OR10R2: variants seen among roughly 807,000 people sequenced by gnomAD.
OR10R2 encodes olfactory receptor family 10 subfamily R member 2.
In OR10R2, 1 loss-of-function variant was observed where a neutral mutation model predicts 2.4. The ratio of observed to expected loss-of-function variants is 0.41; its 90% CI spans 0.15 to 1.95. OR10R2 has a LOEUF of 1.95. Ranked by LOEUF, OR10R2 falls within the 30% of genes most tolerant of loss-of-function variation. The pLI, the probability that OR10R2 is intolerant of heterozygous loss-of-function variation, is 0.30. For synonymous variants in OR10R2, 166 were observed against 144.8 expected (o/e 1.15, Z -1.05); for missense variants, 419 against 373.0 (o/e 1.12, Z -1.01).
chr1:158,480,479 T>C (rs759512421), exon 2 of OR10R2: 1 of 1,613,420 alleles, frequency 6.2e-7, no homozygotes, highest in Non-Finnish European at 8.5e-7. Context: ...TTCTGTGACA[T>C]CTCAGCAGTC....
At chr1:158,476,924 G>T (rs1214754189) in intron 1 of OR10R2, among the ~76,000 whole-genome samples, 7 of 152,026 alleles carry the variant, frequency 4.6e-5, no homozygotes, top group African/African-American at 1.7e-4. Context: ...TTAAAATGGG[G>T]TTTATTGTTT....
At chr1:158,473,917 TTCCCTCCC>T (rs894201878) in intron 1 of OR10R2, among the ~76,000 whole-genome samples, 4 of 119,674 alleles carry the variant, frequency 3.3e-5, no homozygotes, top group African/African-American at 1.3e-4. Context: ...GCTTCCTTCC[TTCCCTCCC>T]TCCCTCTCCC....
chr1:158,477,901 A>C (rs1656299280), intron 1 of OR10R2, among the ~76,000 whole-genome samples: 2 of 152,212 alleles, frequency 1.3e-5, no homozygotes, highest in African/African-American at 4.8e-5. Context: ...GCCAACTTCA[A>C]ACTATACTAT....
At chr1:158,474,337 T>C (rs1162366982) in intron 1 of OR10R2, 4 of 151,958 alleles carry the variant, frequency 2.6e-5, no homozygotes, top group African/African-American at 9.7e-5. Context: ...GGAGTGGAGG[T>C]AAAAATGAAA....
chr1:158,474,271 G>C (rs1209200644), intron 1 of OR10R2, among the ~76,000 whole-genome samples: 4 of 151,908 alleles, frequency 2.6e-5, no homozygotes, highest in African/African-American at 9.7e-5. Flanking sequence ...CTGTATCTCT[G>C]CTGCCCAAAT....
rs553513204 is a variant in OR10R2 at position 158,479,996 on chromosome 1, T to A, written c.86T>A (p.Leu29His). 4.3e-5 allele frequency: 70 copies of A among 1,613,902 alleles called. No homozygotes were observed. The South Asian group carries it at 6.8e-4, about 16-fold the overall frequency. Residue 29 changes from leucine to histidine, a missense_variant, in exon 2 of 2, where the codon CTT becomes CAT. Physicochemically the swap from Leu to His is moderately conservative, Grantham distance 99. Transcript: ENST00000641067. ...TTCCTGTTGCTGGGTTTTTCCAGCC[T>A]TGGTGAAATTCAGCTGGCCCTCTTT...
intron 1 of OR10R2, among the ~76,000 whole-genome samples, chr1:158,475,732 T>C (rs1196619117): frequency 1.3e-5 from 2 of 151,710 alleles, no homozygotes; most frequent in Non-Finnish European, 2.9e-5. Flanking sequence ...TTACACCAAT[T>C]GTTGCTTAAT....
At chr1:158,479,712 G>A (rs1656343140) in intron 1 of OR10R2, among the ~76,000 whole-genome samples, 1 of 152,054 alleles carries the variant, frequency 6.6e-6, no homozygotes, top group African/African-American at 2.4e-5. Context: ...TCTTAAAATT[G>A]GGAGAGAGAA....
At chr1:158,480,098 G>A (rs776051071) in exon 2 of OR10R2, 2 of 1,613,552 alleles carry the variant, frequency 1.2e-6, no homozygotes, top group Non-Finnish European at 1.7e-6. Flanking sequence ...CTGGATAAAA[G>A]CCTCCACACA....
Position 158,474,232 on chromosome 1 carries a change from G to T in OR10R2, c.27+1880G>T, listed in dbSNP as rs540214522. Among the ~76,000 whole-genome samples the T allele has an allele frequency of 1.1e-4, 17 of 151,946 alleles. No individual in the cohort carries two copies. In the Middle Eastern group the frequency reaches 0.014, roughly 122 times the overall value. On this transcript the variant is annotated intron_variant, in intron 1 of 1. Transcript: ENST00000641067. ...CTTCTCCTAGCTGTTCTCTGTGTTC[G>T]CAATGCCATGCCTCCTATTCTCAGG...
chr1:158,479,370 ATT>A (rs1656332998), intron 1 of OR10R2, among the ~76,000 whole-genome samples: 1 of 152,090 alleles, frequency 6.6e-6, no homozygotes, highest in Non-Finnish European at 1.5e-5. Flanking sequence ...GGTGTTCTTC[ATT>A]TAGTCATATA....
chr1:158,476,853 AG>A (rs1269458219), intron 1 of OR10R2, among the ~76,000 whole-genome samples: 2 of 152,064 alleles, frequency 1.3e-5, no homozygotes, highest in Non-Finnish European at 2.9e-5. Flanking sequence ...ATTTTTCATA[AG>A]TTTCATGGCT....
intron 1 of OR10R2, among the ~76,000 whole-genome samples, chr1:158,478,048 A>T (rs191413132): frequency 2.7e-4 from 41 of 152,282 alleles, no homozygotes; most frequent in African/African-American, 9.9e-4. Context: ...AAGAGCAAAC[A>T]ATGGAACAAG....
chr1:158,474,624 G>A (rs539877653), intron 1 of OR10R2: 1 of 152,172 alleles, frequency 6.6e-6, no homozygotes, highest in Non-Finnish European at 1.5e-5. Context: ...TTATGAATCA[G>A]TTGGTCAGCC....
At chr1:158,473,955 CTTTCTTTCTTTTTCT>C (rs1656219545) in intron 1 of OR10R2, among the ~76,000 whole-genome samples, 1 of 145,670 alleles carries the variant, frequency 6.9e-6, no homozygotes, top group Admixed American at 7.0e-5. Flanking sequence ...CTCTCTCTTT[CTTTCTTTCTTTTTCT>C]TTTCTTTCTT....
chr1:158,473,777 TCCC>T (rs57250296), intron 1 of OR10R2, among the ~76,000 whole-genome samples: 17,159 of 121,644 alleles, frequency 0.14, 3,512 homozygotes, highest in African/African-American at 0.24. Context: ...CCTTCCTTCC[TCCC>T]TCCTTCCCTC....
rs766603722 is a variant in OR10R2 at position 158,480,758 on chromosome 1, T to A, written c.848T>A (p.Val283Glu). 7 of 1,613,420 alleles carry A rather than the reference T, an allele frequency of 4.3e-6. No homozygotes were observed. The highest frequency in any genetic ancestry group is 5.1e-6 in the Non-Finnish European group (6 of 1,179,732). Residue 283 changes from valine to glutamate, a missense_variant, in exon 2 of 2, where the codon GTG becomes GAG. Transcript: ENST00000641067. ...TATGTGTCCAACAAAGACAGGCTGG[T>A]GACGGTGACATACACGATTGTCACT...
intron 1 of OR10R2, 37 bp from the exon 2 acceptor site, chr1:158,479,901 A>G (rs1158420027): frequency 4.4e-6 from 7 of 1,609,078 alleles, no homozygotes; most frequent in Non-Finnish European, 6.0e-6. Flanking sequence ...TTATATTCAC[A>G]TACCTGAATA....
At chr1:158,480,512 C>A in exon 2 of OR10R2, 1 of 1,613,436 alleles carries the variant, frequency 6.2e-7, no homozygotes, top group Non-Finnish European at 8.5e-7. Context: ...TGTACCAACA[C>A]AGATGTTAAC....
Sources: gnomAD v4.1 joint callset for allele counts (sites outside exome capture counted in the v4.1 genomes callset) on GRCh38, gnomAD v4.1.1 for gene constraint, MANE v1.5 for transcripts, NCBI Gene and HGNC (gene_info 2026-07-23, HGNC 2026-07-21) for gene names.